Variants in ZMAT4 observed in about 807,000 individuals in gnomAD.
ZMAT4 encodes the protein zinc finger matrin-type 4, also known as zinc finger matrin-type protein 4.
A neutral mutation model predicts 28.7 loss-of-function variants in ZMAT4; 17 were observed. The observed-to-expected ratio is 0.59, with a 90% CI of 0.41 to 0.89. The LOEUF is 0.89. Among genes scored for constraint, ZMAT4 ranks in the 40% least tolerant of loss-of-function variants. The pLI is 0.00. For synonymous variants in ZMAT4, 117 were observed against 109.2 expected, an observed-to-expected ratio of 1.07 and a Z score of -0.44; for missense variants, 240 against 283.8, an observed-to-expected ratio of 0.85 and a Z score of 1.11.
chr8:40,549,111 G>A (rs140659314), intron 6 of ZMAT4, among the ~76,000 whole-genome samples: 1 of 152,156 alleles, frequency 6.6e-6, no homozygotes, highest in African/African-American at 2.4e-5. Context: ...GAACCCTTTT[G>A]CCCCTTCTGC....
intron 5 of ZMAT4, among the ~76,000 whole-genome samples, chr8:40,671,638 T>A (rs1181193238): frequency 3.3e-5 from 5 of 152,094 alleles, no homozygotes; most frequent in Admixed American, 6.6e-5. Flanking sequence ...GATGAAAAAA[T>A]GAGAAAAGTG....
intron 3 of ZMAT4, among the ~76,000 whole-genome samples, chr8:40,760,345 A>G (rs886249902): frequency 6.6e-6 from 1 of 152,028 alleles, no homozygotes; most frequent in African/African-American, 2.4e-5. Context: ...CTTTGGAAAC[A>G]TCTGTAAGTT....
intron 4 of ZMAT4, among the ~76,000 whole-genome samples, chr8:40,695,516 C>A (rs915058912): frequency 2.0e-5 from 3 of 152,224 alleles, no homozygotes; most frequent in Non-Finnish European, 4.4e-5. Context: ...TCCCTTCTTG[C>A]CTATCCAGCA....
At chr8:40,540,919 G>C (rs75329475) in intron 6 of ZMAT4, among the ~76,000 whole-genome samples, 3,383 of 152,258 alleles carry the variant, frequency 0.022, 114 homozygotes, top group African/African-American at 0.065. Flanking sequence ...CTCTGCAGGG[G>C]AGCATATGGC....
intron 6 of ZMAT4, among the ~76,000 whole-genome samples, chr8:40,550,615 G>A (rs781281660): frequency 2.6e-5 from 4 of 152,026 alleles, no homozygotes; most frequent in South Asian, 2.1e-4. Flanking sequence ...TGCTGTTCTC[G>A]TGACAGTGAG....
chr8:40,646,641 T>C (rs994549687), intron 5 of ZMAT4, among the ~76,000 whole-genome samples: 1 of 152,200 alleles, frequency 6.6e-6, no homozygotes, highest in Non-Finnish European at 1.5e-5. Flanking sequence ...ATTATGATAA[T>C]ACAGTCAATT....
chr8:40,771,190 G>A (rs1165278011), intron 2 of ZMAT4, among the ~76,000 whole-genome samples: 1 of 150,778 alleles, frequency 6.6e-6, no homozygotes, highest in Non-Finnish European at 1.5e-5. Context: ...ATATATAAAG[G>A]TTTTTAAATG....
chr8:40,730,906 T>G (rs914400247), intron 3 of ZMAT4, among the ~76,000 whole-genome samples: 10 of 152,178 alleles, frequency 6.6e-5, no homozygotes, highest in Non-Finnish European at 1.3e-4. Flanking sequence ...AACAGTAAAC[T>G]GCAGTGAATT....
intron 1 of ZMAT4, among the ~76,000 whole-genome samples, chr8:40,881,439 GAAAGAAAGAAAGAAAGAAAGAA>G (rs1818224771): frequency 1.0e-3 from 80 of 79,572 alleles, no homozygotes; most frequent in Middle Eastern, 0.012. Context: ...AAGAGAGAAA[GAAAGAAAGAAAGAAAGAAAGAA>G]AGAAAGAAAG....
chr8:40,766,472 A>G (rs1381366458), intron 3 of ZMAT4, among the ~76,000 whole-genome samples: 1 of 152,130 alleles, frequency 6.6e-6, no homozygotes, highest in African/African-American at 2.4e-5. Flanking sequence ...CAAGAGATCA[A>G]TTATTTGCCC....
intron 5 of ZMAT4, among the ~76,000 whole-genome samples, chr8:40,640,702 TG>T (rs1322703351): frequency 6.6e-6 from 1 of 152,006 alleles, no homozygotes; most frequent in African/African-American, 2.4e-5. Context: ...GGCTCATGCC[TG>T]TAATCCCAGC....
chr8:40,629,778 T>G (rs1038187434), intron 5 of ZMAT4, among the ~76,000 whole-genome samples: 20 of 152,164 alleles, frequency 1.3e-4, no homozygotes, highest in Non-Finnish European at 7.3e-5. Context: ...GGTGTATATG[T>G]GCCACATTTT....
At chr8:40,668,004 A>C (rs1808501450) in intron 5 of ZMAT4, among the ~76,000 whole-genome samples, 1 of 152,170 alleles carries the variant, frequency 6.6e-6, no homozygotes, top group South Asian at 2.1e-4. Flanking sequence ...GGAAAGGCAT[A>C]CCTAATATGA....
At chr8:40,825,551 CAG>C in intron 2 of ZMAT4, 22 bp downstream of exon 2, 1 of 1,547,706 alleles carries the variant, frequency 6.5e-7, no homozygotes, top group South Asian at 1.2e-5. Flanking sequence ...CATTTGCAAA[CAG>C]AGTGGGAAAC....
rs566172416 is a variant in ZMAT4, at chr8:40,679,550, C to A, written c.350-4619G>T. 3.2e-4 allele frequency among the ~76,000 whole-genome samples: 49 copies of A among 152,214 alleles called. 1 individual carries two copies. The highest frequency in any genetic ancestry group is 1.0e-3 in the African/African-American group (43 of 41,534). ...AAATGCCAAGCAAAGGACGGGAAGG[C>A]CCCTTATAAAGCCATCAGATCTTGT... On this transcript the variant is annotated intron_variant, in intron 4 of 6. Transcript: ENST00000297737.
intron 5 of ZMAT4, among the ~76,000 whole-genome samples, chr8:40,584,761 G>A (rs1419176279): frequency 6.6e-6 from 1 of 152,058 alleles, no homozygotes; most frequent in Non-Finnish European, 1.5e-5. Context: ...AGCCTCCCAA[G>A]TAGCTGGGAT....
At chr8:40,532,475 T>C (rs1370705391) in intron 6 of ZMAT4, among the ~76,000 whole-genome samples, 1 of 152,218 alleles carries the variant, frequency 6.6e-6, no homozygotes, top group Non-Finnish European at 1.5e-5. Context: ...TAGCTCTACA[T>C]TGTCAATCCA....
chr8:40,700,406 C>CTTTTTTTTTT (rs749363248), intron 3 of ZMAT4, among the ~76,000 whole-genome samples: 6 of 60,770 alleles, frequency 9.9e-5, no homozygotes, highest in Non-Finnish European at 1.9e-4. Flanking sequence ...GAAGCTGCTG[C>CTTTTTTTTTT]TTTTCTTTTT....
intron 1 of ZMAT4, among the ~76,000 whole-genome samples, chr8:40,865,200 C>A (rs532614046): frequency 6.6e-6 from 1 of 152,190 alleles, no homozygotes; most frequent in Non-Finnish European, 1.5e-5. Flanking sequence ...GCAAGAGTGA[C>A]AAATGCCACT....
Sources: allele counts gnomAD v4.1 joint callset (sites outside exome capture counted in the v4.1 genomes callset), GRCh38; gene constraint gnomAD v4.1.1; transcripts MANE v1.5; gene names NCBI Gene and HGNC (gene_info 2026-07-23, HGNC 2026-07-21).